The following WWOX variants were observed in gnomAD, a reference collection of about 807,000 sequenced individuals.
The protein encoded by WWOX is WW domain containing oxidoreductase, also known as WW domain-containing oxidoreductase.
Under a neutral mutation model 46.2 loss-of-function variants are expected in WWOX, and 69 were observed. The observed-to-expected ratio is 1.49, with a 90% CI of 1.23 to 1.82. WWOX has a LOEUF of 1.82. Among genes scored for constraint, WWOX ranks in the 40% most tolerant of loss-of-function variants. WWOX has a pLI of 0.00. For missense variants in WWOX, 919 were observed against 542.6 expected, an observed-to-expected ratio of 1.69 and a Z score of -6.89; for synonymous variants, 359 against 202.6, an observed-to-expected ratio of 1.77 and a Z score of -6.56.
intron 8 of WWOX, among the ~76,000 whole-genome samples, chr16:78,637,393 A>G (rs1486992966): frequency 6.6e-6 from 1 of 151,870 alleles, no homozygotes; most frequent in African/African-American, 2.4e-5. Context: ...GTGAGCCAAG[A>G]CAGTGCCACT....
At chr16:78,509,873 A>C (rs980313225) in intron 8 of WWOX, among the ~76,000 whole-genome samples, 3 of 150,902 alleles carry the variant, frequency 2.0e-5, no homozygotes, top group African/African-American at 7.3e-5. Context: ...GGATCACTTG[A>C]GCCTGGGAGT....
intron 8 of WWOX, among the ~76,000 whole-genome samples, chr16:79,196,919 A>T (rs1265952327): frequency 1.3e-5 from 2 of 152,222 alleles, no homozygotes; most frequent in Admixed American, 1.3e-4. Context: ...CACCCTGAGC[A>T]TCTTTCAATT....
At chr16:79,003,538 C>G (rs1190008756) in intron 8 of WWOX, among the ~76,000 whole-genome samples, 4 of 152,174 alleles carry the variant, frequency 2.6e-5, no homozygotes, top group Admixed American at 2.0e-4. Flanking sequence ...GGTTGAGTCT[C>G]CTCTTGCAGT....
At chr16:78,765,590 A>C (rs1230990817) in intron 8 of WWOX, among the ~76,000 whole-genome samples, 1 of 151,970 alleles carries the variant, frequency 6.6e-6, no homozygotes, top group Admixed American at 6.6e-5. Flanking sequence ...GAGGTGGGAG[A>C]ATTGCTTGAA....
chr16:78,711,789 T>C (rs2048449689), intron 8 of WWOX, among the ~76,000 whole-genome samples: 1 of 152,152 alleles, frequency 6.6e-6, no homozygotes, highest in African/African-American at 2.4e-5. Context: ...CACAGGAGCC[T>C]TCTCAAAGCC....
intron 8 of WWOX, among the ~76,000 whole-genome samples, chr16:78,554,139 C>T (rs188719954): frequency 6.6e-6 from 1 of 152,208 alleles, no homozygotes; most frequent in Non-Finnish European, 1.5e-5. Flanking sequence ...TTCTTGCTAC[C>T]ATGCAGAAAA....
At chr16:79,040,097 C>T (rs149494709) in intron 8 of WWOX, among the ~76,000 whole-genome samples, 1 of 152,078 alleles carries the variant, frequency 6.6e-6, no homozygotes. Flanking sequence ...TCATTCCTAC[C>T]CCATAGGTTG....
intron 8 of WWOX, among the ~76,000 whole-genome samples, chr16:78,655,330 C>T (rs1156809718): frequency 2.6e-5 from 4 of 152,158 alleles, no homozygotes; most frequent in Non-Finnish European, 5.9e-5. Flanking sequence ...AGTGCCTGTC[C>T]TTTCTGAGAA....
chr16:78,220,937 C>T (rs1340672856), intron 5 of WWOX, among the ~76,000 whole-genome samples: 1 of 152,186 alleles, frequency 6.6e-6, no homozygotes, highest in Non-Finnish European at 1.5e-5. Context: ...GCATTTATTA[C>T]TCTAAGCAAG....
intron 8 of WWOX, among the ~76,000 whole-genome samples, chr16:78,912,255 T>C (rs2045131098): frequency 6.6e-6 from 1 of 152,010 alleles, no homozygotes; most frequent in Non-Finnish European, 1.5e-5. Flanking sequence ...TTAACACAGG[T>C]AATCAGGATA....
At chr16:78,839,127 A>T (rs1343630720) in intron 8 of WWOX, among the ~76,000 whole-genome samples, 3 of 152,186 alleles carry the variant, frequency 2.0e-5, no homozygotes, top group African/African-American at 7.2e-5. Flanking sequence ...CTTATCTCAA[A>T]AATAAAAACT....
chr16:78,933,051 C>T (rs1271537602), intron 8 of WWOX, among the ~76,000 whole-genome samples: 2 of 152,176 alleles, frequency 1.3e-5, no homozygotes, highest in African/African-American at 2.4e-5. Context: ...AGACAGAGGG[C>T]TGGACTGGGG....
intron 8 of WWOX, among the ~76,000 whole-genome samples, chr16:78,907,286 A>T (rs1239500290): frequency 6.6e-6 from 1 of 152,190 alleles, no homozygotes; most frequent in East Asian, 1.9e-4. Context: ...AGTCCTCAAA[A>T]ATGCAAAAGC....
chr16:78,554,173 G>C (rs558668264), intron 8 of WWOX, among the ~76,000 whole-genome samples: 1 of 152,270 alleles, frequency 6.6e-6, no homozygotes, highest in South Asian at 2.1e-4. Flanking sequence ...CCTGCCCTAA[G>C]GCAGTAGCAC....
At chr16:79,061,975 G>A (rs573270047) in intron 8 of WWOX, among the ~76,000 whole-genome samples, 3 of 152,284 alleles carry the variant, frequency 2.0e-5, no homozygotes, top group South Asian at 2.1e-4. Flanking sequence ...TGTAGTGCCT[G>A]CATTCTTTTC....
chr16:79,071,414 T>TC (rs1567530050), intron 8 of WWOX, among the ~76,000 whole-genome samples: 1 of 152,136 alleles, frequency 6.6e-6, no homozygotes, highest in Admixed American at 6.5e-5. Context: ...GTGCGTTTCT[T>TC]CCCCCCTCAT....
intron 8 of WWOX, among the ~76,000 whole-genome samples, chr16:78,905,598 C>T (rs2044941851): frequency 6.6e-6 from 1 of 152,108 alleles, no homozygotes; most frequent in Non-Finnish European, 1.5e-5. Context: ...CCAGGCCGGA[C>T]TCAAACTCCG....
At chr16:78,329,470 G>C (rs1179789398) in intron 5 of WWOX, among the ~76,000 whole-genome samples, 1 of 152,182 alleles carries the variant, frequency 6.6e-6, no homozygotes, top group Non-Finnish European at 1.5e-5. Flanking sequence ...AGCAAAAATA[G>C]TTCTTGAGGC....
In WWOX at chr16:78,555,865, C is replaced by G. The variant is rs150538714; in HGVS notation, c.1056+123113C>G. Among the ~76,000 whole-genome samples the G allele has an allele frequency of 2.1e-3, 318 of 152,226 alleles. 2 individuals are homozygous for G. The highest frequency in any genetic ancestry group is 7.4e-3 in the African/African-American group (306 of 41,544). ...ATGCCAGCTTAAATAAATGTTATCA[C>G]AATCTCTGCAGAATCGTGATGTCTC... On this transcript the variant is annotated intron_variant, in intron 8 of 8. Coordinates refer to ENST00000566780, the MANE Select transcript of WWOX (RefSeq NM_016373.4).
Sources: allele counts gnomAD v4.1 joint callset (sites outside exome capture counted in the v4.1 genomes callset), GRCh38; gene constraint gnomAD v4.1.1; transcripts MANE v1.5; gene names NCBI Gene and HGNC (gene_info 2026-07-23, HGNC 2026-07-21).